SVIL: variants seen among roughly 807,000 people sequenced by gnomAD.
SVIL encodes archvillin.
SVIL carries 101 observed loss-of-function variants against 240.4 expected under a neutral mutation model. The observed-to-expected ratio is 0.42, with a 90% CI of 0.36 to 0.50. The LOEUF (loss-of-function observed/expected upper bound fraction) is 0.50, where lower values mean the gene tolerates loss of function less well. SVIL is among the 20% of genes least tolerant of loss of function. The pLI, the probability that SVIL is intolerant of heterozygous loss-of-function variation, is 0.01. For synonymous variants in SVIL, 999 were observed against 1,100.0 expected (o/e 0.91, Z 1.82); for missense variants, 2,512 against 2,818.7 (o/e 0.89, Z 2.46).
chr10:29,526,230 A>C (rs553670388), intron 13 of SVIL, among the ~76,000 whole-genome samples: 1 of 151,440 alleles, frequency 6.6e-6, no homozygotes, highest in African/African-American at 2.4e-5. Context: ...TTTGAAAAAG[A>C]CTGGGTCTTA....
At chr10:29,594,196 G>T (rs1158979950) in intron 1 of SVIL, among the ~76,000 whole-genome samples, 1 of 152,088 alleles carries the variant, frequency 6.6e-6, no homozygotes, top group Non-Finnish European at 1.5e-5. Context: ...AAACATAAAA[G>T]AATTTGGTGT....
At chr10:29,708,024 G>A (rs1173420856) in intron 1 of SVIL, among the ~76,000 whole-genome samples, 6 of 151,880 alleles carry the variant, frequency 4.0e-5, no homozygotes, top group African/African-American at 1.2e-4. Flanking sequence ...TTGGGAGGCC[G>A]AGGCAGGTGG....
At chr10:29,569,500 G>A (rs71489689) in intron 1 of SVIL, among the ~76,000 whole-genome samples, 188 bp from the exon 2 acceptor site, 9,261 of 152,138 alleles carry the variant, frequency 0.061, 353 homozygotes, top group Admixed American at 0.12. Flanking sequence ...ATTTACATAG[G>A]CAAGTTTTGC....
At chr10:29,531,187 A>T (rs1951337551) in intron 10 of SVIL, 67 bp downstream of exon 10, 2 of 1,534,798 alleles carry the variant, frequency 1.3e-6, no homozygotes, top group Admixed American at 3.7e-5. Flanking sequence ...AAAAGCCAAA[A>T]ACCTTATTAT....
At chr10:29,547,276 T>A (rs1347236249) in intron 6 of SVIL, among the ~76,000 whole-genome samples, 1 of 152,178 alleles carries the variant, frequency 6.6e-6, no homozygotes, top group African/African-American at 2.4e-5. Flanking sequence ...AATGTCAAAT[T>A]TGTCACACAT....
chr10:29,584,364 A>G (rs1408940860), intron 1 of SVIL, among the ~76,000 whole-genome samples: 2 of 152,214 alleles, frequency 1.3e-5, no homozygotes, highest in African/African-American at 4.8e-5. Context: ...GGAGAGGCCA[A>G]CTGGAGATTC....
At chr10:29,718,738 G>T (rs1963792394) in intron 1 of SVIL, among the ~76,000 whole-genome samples, 1 of 152,150 alleles carries the variant, frequency 6.6e-6, no homozygotes, top group African/African-American at 2.4e-5. Flanking sequence ...GCCTGAGGGG[G>T]TGGGGGAACA....
At chr10:29,575,877 G>C (rs1955672486) in intron 1 of SVIL, among the ~76,000 whole-genome samples, 2 of 152,038 alleles carry the variant, frequency 1.3e-5, no homozygotes, top group African/African-American at 4.8e-5. Context: ...TGACACATTG[G>C]AATTTTGCTC....
intron 1 of SVIL, among the ~76,000 whole-genome samples, chr10:29,709,293 A>C (rs1963117031): frequency 6.6e-6 from 1 of 152,210 alleles, no homozygotes; most frequent in South Asian, 2.1e-4. Flanking sequence ...AATGAGCATA[A>C]CCTTTGAGTG....
intron 1 of SVIL, among the ~76,000 whole-genome samples, chr10:29,572,780 A>AAAAG (rs1955498752): frequency 7.7e-6 from 1 of 129,708 alleles, no homozygotes. Context: ...AAAAAAAAAA[A>AAAAG]AGAAAAAGAA....
intron 11 of SVIL, among the ~76,000 whole-genome samples, 172 bp downstream of exon 11, chr10:29,530,435 C>T (rs1355415563): frequency 6.6e-6 from 1 of 152,100 alleles, no homozygotes; most frequent in Non-Finnish European, 1.5e-5. Flanking sequence ...CACAAGATTC[C>T]CCCTCCCTAA....
intron 1 of SVIL, among the ~76,000 whole-genome samples, chr10:29,691,171 G>A (rs956989052): frequency 6.6e-6 from 1 of 151,436 alleles, no homozygotes; most frequent in Non-Finnish European, 1.5e-5. Context: ...GAGCCTAAAT[G>A]ACCAATAATG....
intron 1 of SVIL, among the ~76,000 whole-genome samples, chr10:29,704,873 T>G (rs1962778746): frequency 6.6e-6 from 1 of 151,718 alleles, no homozygotes; most frequent in Non-Finnish European, 1.5e-5. Flanking sequence ...TTTCAGGGGG[T>G]TGGGGAAGGG....
chr10:29,556,468 T>C (rs74129716), intron 3 of SVIL, among the ~76,000 whole-genome samples: 8,224 of 152,160 alleles, frequency 0.054, 276 homozygotes, highest in Admixed American at 0.12. Context: ...ACACACAAAG[T>C]TTTATATTGC....
intron 1 of SVIL, among the ~76,000 whole-genome samples, chr10:29,708,485 G>A (rs1005452083): frequency 1.3e-5 from 2 of 151,816 alleles, no homozygotes; most frequent in Admixed American, 1.3e-4. Context: ...GCCAGGCGTG[G>A]TGGCGGGCGC....
chr10:29,471,303 C>A, intron 30 of SVIL, 60 bp from the exon 31 acceptor site: 1 of 1,280,580 alleles, frequency 7.8e-7, no homozygotes, highest in South Asian at 1.4e-5. Flanking sequence ...GTCCTAAAAA[C>A]AATACATGCC....
At chr10:29,524,224 A>G (rs927262442) in intron 14 of SVIL, among the ~76,000 whole-genome samples, 197 bp from the exon 15 acceptor site, 2 of 152,208 alleles carry the variant, frequency 1.3e-5, no homozygotes, top group South Asian at 4.1e-4. Flanking sequence ...ACAGTTGGGC[A>G]TACTATTTTT....
intron 2 of SVIL, among the ~76,000 whole-genome samples, chr10:29,680,595 G>C (rs1400562479): frequency 2.6e-5 from 4 of 152,212 alleles, no homozygotes; most frequent in Non-Finnish European, 5.9e-5. Context: ...ATGCATTTAA[G>C]AAGGGTGATG....
At chr10:29,481,168 T>TGTGTGTGTG (rs66830131) in intron 28 of SVIL, among the ~76,000 whole-genome samples, 13 of 109,654 alleles carry the variant, frequency 1.2e-4, no homozygotes, top group South Asian at 6.3e-4. Context: ...GTGTGTGTGT[T>TGTGTGTGTG]TGTTTGTGTG....
Sources: allele counts gnomAD v4.1 joint callset (sites outside exome capture counted in the v4.1 genomes callset), GRCh38; gene constraint gnomAD v4.1.1; transcripts MANE v1.5; gene names NCBI Gene and HGNC (gene_info 2026-07-23, HGNC 2026-07-21).